The following PTPRM variants were observed in gnomAD, a reference collection of about 807,000 sequenced individuals.
PTPRM encodes receptor-type tyrosine-protein phosphatase mu.
PTPRM carries 47 observed loss-of-function variants against 186.7 expected under a neutral mutation model. That is an observed-to-expected ratio of 0.25 (90% CI 0.20 to 0.32). The LOEUF (loss-of-function observed/expected upper bound fraction) is 0.32. Ranked by LOEUF, PTPRM falls within the 10% of genes least tolerant of loss-of-function variation. PTPRM has a pLI of 1.00. For missense variants in PTPRM, 1,494 were observed against 1,865.0 expected (o/e 0.80, Z 3.66); for synonymous variants, 668 against 674.9 (o/e 0.99, Z 0.16).
chr18:8,052,012 G>GA (rs750935945), intron 7 of PTPRM, among the ~76,000 whole-genome samples: 1 of 152,034 alleles, frequency 6.6e-6, no homozygotes, highest in South Asian at 2.1e-4. Context: ...CCTGCACTCT[G>GA]AAAAAACACT....
chr18:8,010,415 G>A (rs910577671), intron 7 of PTPRM, among the ~76,000 whole-genome samples: 8 of 152,212 alleles, frequency 5.3e-5, no homozygotes, highest in African/African-American at 1.7e-4. Context: ...CAGTATGGTT[G>A]ACTGCCAGAC....
At chr18:7,955,939 G>A (rs1354808354) in intron 7 of PTPRM, among the ~76,000 whole-genome samples, 2 of 152,146 alleles carry the variant, frequency 1.3e-5, no homozygotes, top group African/African-American at 4.8e-5. Flanking sequence ...TGTGCTGGGT[G>A]CAGTCTTTAG....
intron 19 of PTPRM, among the ~76,000 whole-genome samples, chr18:8,268,609 G>T (rs2094731273): frequency 6.6e-6 from 1 of 152,154 alleles, no homozygotes; most frequent in East Asian, 1.9e-4. Context: ...TCCAAAGCCA[G>T]ATAAGGACCC....
chr18:8,388,908 C>T (rs958600169), intron 31 of PTPRM, among the ~76,000 whole-genome samples: 50 of 152,198 alleles, frequency 3.3e-4, no homozygotes, highest in Non-Finnish European at 6.2e-4. Flanking sequence ...TTGCAGTGAG[C>T]CGAGATGGCG....
chr18:8,399,180 A>C (rs1047539889), intron 32 of PTPRM, among the ~76,000 whole-genome samples: 1 of 152,242 alleles, frequency 6.6e-6, no homozygotes, highest in Non-Finnish European at 1.5e-5. Context: ...AGGCAGAGAC[A>C]GGGAACACAA....
At chr18:8,323,776 G>C (rs898476755) in intron 22 of PTPRM, among the ~76,000 whole-genome samples, 1 of 152,094 alleles carries the variant, frequency 6.6e-6, no homozygotes, top group African/African-American at 2.4e-5. Flanking sequence ...GGAGACGCTT[G>C]TGCCCCCAAC....
chr18:8,340,953 A>C (rs1379361248), intron 22 of PTPRM, among the ~76,000 whole-genome samples: 2 of 152,204 alleles, frequency 1.3e-5, no homozygotes, highest in Admixed American at 6.5e-5. Context: ...CTGGGAAGCT[A>C]GGATTGTACT....
intron 22 of PTPRM, among the ~76,000 whole-genome samples, chr18:8,329,104 G>A (rs929059514): frequency 2.6e-5 from 4 of 152,174 alleles, no homozygotes; most frequent in African/African-American, 9.7e-5. Flanking sequence ...CTGTTGTTAA[G>A]CAAGCACTCA....
intron 14 of PTPRM, among the ~76,000 whole-genome samples, chr18:8,233,031 G>A (rs1041097420): frequency 6.6e-6 from 1 of 152,114 alleles, no homozygotes; most frequent in Non-Finnish European, 1.5e-5. Flanking sequence ...AAGGAGTCCC[G>A]CACCAGGAAG....
At chr18:8,349,268 A>G (rs2095521557) in intron 23 of PTPRM, among the ~76,000 whole-genome samples, 1 of 152,248 alleles carries the variant, frequency 6.6e-6, no homozygotes, top group Non-Finnish European at 1.5e-5. Context: ...GTTAATTATA[A>G]GAATAAAAAT....
intron 14 of PTPRM, among the ~76,000 whole-genome samples, chr18:8,224,319 T>A (rs1363693593): frequency 3.9e-5 from 6 of 152,188 alleles, no homozygotes; most frequent in African/African-American, 1.2e-4. Context: ...GGAAAGACAG[T>A]CAATGAGGAA....
rs560344408 is a variant in PTPRM, at chr18:7,896,708, T to A, written c.468+8331T>A. On this transcript the variant is annotated intron_variant, in intron 3 of 32. Transcript: ENST00000580170. ...TGAAGGGTCCTGGGAGAAGATTAGG[T>A]GTGGATTCAGCTTGCGCCCTGCTTG... Among the ~76,000 whole-genome samples the A allele has an allele frequency of 5.3e-5, 8 of 152,222 alleles. 1 individual carries two copies. In the South Asian group the frequency reaches 1.0e-3, roughly 20 times the overall value.
At chr18:8,018,422 G>A (rs551140768) in intron 7 of PTPRM, among the ~76,000 whole-genome samples, 3 of 152,272 alleles carry the variant, frequency 2.0e-5, no homozygotes, top group East Asian at 1.9e-4. Flanking sequence ...TGCTTGTTAC[G>A]CACCCCTCAT....
At chr18:7,676,698 CGCGCACGCGCATGGAT>C (rs2039350994) in intron 1 of PTPRM, among the ~76,000 whole-genome samples, 1 of 150,928 alleles carries the variant, frequency 6.6e-6, no homozygotes, top group Non-Finnish European at 1.5e-5. Flanking sequence ...TGCGCGTGCA[CGCGCACGCGCATGGAT>C]TAGGTGTTAG....
chr18:8,380,026 C>T (rs535975278), intron 28 of PTPRM, among the ~76,000 whole-genome samples: 10 of 152,256 alleles, frequency 6.6e-5, no homozygotes, highest in Non-Finnish European at 1.2e-4. Context: ...TGTATAGATT[C>T]GATATTGCCT....
At chr18:7,965,838 G>C (rs939560048) in intron 7 of PTPRM, among the ~76,000 whole-genome samples, 2 of 152,166 alleles carry the variant, frequency 1.3e-5, no homozygotes, top group African/African-American at 2.4e-5. Context: ...CCAGCTCTCA[G>C]TTTATTCGTC....
chr18:8,076,580 G>T lies in PTPRM; in HGVS notation c.1551+16G>T. 3.0e-6 allele frequency: 4 copies of T among 1,334,700 alleles called. No individual in the cohort carries two copies. Among genetic ancestry groups the T allele is most frequent in the Non-Finnish European group, 4.3e-6 (4 of 941,078 alleles). 82.7% of individuals were successfully genotyped at this position (1,334,700 alleles called of 1,614,324 possible). On this transcript the variant is annotated intron_variant, in intron 9 of 32. Coordinates refer to ENST00000580170, the MANE Select transcript of PTPRM (RefSeq NM_001105244.2). Reference sequence around the variant, plus strand: ...TTTATATGAGGTAATATATATGTTTGTTAGTAATTTTTAATTAGAAATACT... The same window carrying T: ...TTTATATGAGGTAATATATATGTTTTTTAGTAATTTTTAATTAGAAATACT...
At chr18:7,588,746 G>C (rs955070009) in intron 1 of PTPRM, among the ~76,000 whole-genome samples, 4 of 152,212 alleles carry the variant, frequency 2.6e-5, no homozygotes, top group Admixed American at 6.5e-5. Context: ...AATGTCACCA[G>C]TTCTTCTGCT....
chr18:7,624,494 T>A (rs929716827), intron 1 of PTPRM, among the ~76,000 whole-genome samples: 2 of 147,340 alleles, frequency 1.4e-5, no homozygotes, highest in Non-Finnish European at 3.0e-5. Flanking sequence ...CAGATTCTGC[T>A]TTTTTTTTTG....
Sources: gnomAD v4.1 joint callset for allele counts (sites outside exome capture counted in the v4.1 genomes callset) on GRCh38, gnomAD v4.1.1 for gene constraint, MANE v1.5 for transcripts, NCBI Gene and HGNC (gene_info 2026-07-23, HGNC 2026-07-21) for gene names.